Variants in MYO1E observed in about 807,000 individuals in gnomAD.
The protein encoded by MYO1E is unconventional myosin-Ie.
A neutral mutation model predicts 151.1 loss-of-function variants in MYO1E; 68 were observed. The ratio of observed to expected loss-of-function variants is 0.45; its 90% CI spans 0.37 to 0.55. The LOEUF (loss-of-function observed/expected upper bound fraction) is 0.55. MYO1E is among the 20% of genes least tolerant of loss of function. The pLI is 0.00. For synonymous variants in MYO1E, 601 were observed against 501.7 expected (o/e 1.20, Z -2.64); for missense variants, 1,363 against 1,389.3 (o/e 0.98, Z 0.30).
chr15:59,205,337 G>A, intron 15 of MYO1E, 63 bp downstream of exon 15: 3 of 1,508,152 alleles, frequency 2.0e-6, no homozygotes, highest in South Asian at 1.1e-5. Flanking sequence ...TCATAAGTTT[G>A]TTTTCATATT....
Position 59,159,830 on chromosome 15 carries a change from T to C in MYO1E, c.2785+1243A>G, listed in dbSNP as rs1163450728. On this transcript the variant is annotated intron_variant, in intron 24 of 27. Transcript: ENST00000288235. The surrounding 1 kb of genome is among the most constrained non-coding windows in gnomAD (Gnocchi z 4.4). Reference sequence around the variant, plus strand: ...TTAAGGTGTACCTTTGCAGACAGATTTGAGAAATGGCTAATTAATTAATTA... The same window carrying C: ...TTAAGGTGTACCTTTGCAGACAGATCTGAGAAATGGCTAATTAATTAATTA... 6.6e-6 allele frequency among the ~76,000 whole-genome samples: 1 copy of C among 151,838 alleles called. No homozygotes were observed. Among genetic ancestry groups the C allele is most frequent in the Non-Finnish European group, 1.5e-5 (1 of 68,002 alleles).
chr15:59,306,709 C>A (rs749146232), intron 1 of MYO1E, among the ~76,000 whole-genome samples: 21 of 152,220 alleles, frequency 1.4e-4, no homozygotes, highest in Non-Finnish European at 2.6e-4. Context: ...GTTTGCAAAA[C>A]CATTTGCAAT....
intron 1 of MYO1E, among the ~76,000 whole-genome samples, chr15:59,326,213 G>T (rs2080662916): frequency 6.6e-6 from 1 of 151,964 alleles, no homozygotes; most frequent in Non-Finnish European, 1.5e-5. Context: ...CACTTCTCTG[G>T]AAAAGCGCAC....
At chr15:59,301,068 A>G (rs2080479959) in intron 1 of MYO1E, among the ~76,000 whole-genome samples, 1 of 151,890 alleles carries the variant, frequency 6.6e-6, no homozygotes, top group African/African-American at 2.4e-5. Flanking sequence ...GTGCTTCACC[A>G]TGTTGGCCAG....
At chr15:59,318,865 G>A (rs1368046484) in intron 1 of MYO1E, among the ~76,000 whole-genome samples, 1 of 152,052 alleles carries the variant, frequency 6.6e-6, no homozygotes, top group Non-Finnish European at 1.5e-5. Context: ...TTGCAAAGCT[G>A]GACTTGAACC....
chr15:59,188,714 A>T (rs1198216072), intron 17 of MYO1E, among the ~76,000 whole-genome samples: 1 of 151,890 alleles, frequency 6.6e-6, no homozygotes, highest in Non-Finnish European at 1.5e-5. Context: ...AATAAATATA[A>T]ATAAATAAAT....
intron 18 of MYO1E, among the ~76,000 whole-genome samples, chr15:59,182,722 G>A (rs550542983): frequency 6.6e-6 from 1 of 152,220 alleles, no homozygotes; most frequent in Admixed American, 6.5e-5. Context: ...GTGCGGCACA[G>A]CGTAAAGTAC....
chr15:59,230,086 C>A (rs1399524672), intron 6 of MYO1E, among the ~76,000 whole-genome samples: 1 of 152,096 alleles, frequency 6.6e-6, no homozygotes, highest in Non-Finnish European at 1.5e-5. Context: ...CAGTTCTCAA[C>A]CAATAGCGTG....
At chr15:59,361,070 A>G (rs1031315375) in intron 1 of MYO1E, among the ~76,000 whole-genome samples, 5 of 152,140 alleles carry the variant, frequency 3.3e-5, no homozygotes, top group African/African-American at 1.2e-4. Flanking sequence ...GACCACTACT[A>G]TGTAAACAAG....
chr15:59,293,773 T>G (rs1270060929), intron 1 of MYO1E, among the ~76,000 whole-genome samples: 1 of 152,092 alleles, frequency 6.6e-6, no homozygotes, highest in African/African-American at 2.4e-5. Context: ...CCAGCTGTGG[T>G]GGCTCACGCC....
At chr15:59,144,783 C>T (rs1199604848) in intron 26 of MYO1E, among the ~76,000 whole-genome samples, 1 of 152,190 alleles carries the variant, frequency 6.6e-6, no homozygotes, top group East Asian at 1.9e-4. Context: ...CTCGAAAACC[C>T]AGGCAATCTC....
At chr15:59,288,396 C>T (rs1044460206) in intron 1 of MYO1E, among the ~76,000 whole-genome samples, 2 of 152,194 alleles carry the variant, frequency 1.3e-5, no homozygotes, top group African/African-American at 2.4e-5. Context: ...AGGATGGTCT[C>T]GAACTCCTGG....
intron 26 of MYO1E, among the ~76,000 whole-genome samples, chr15:59,153,361 G>C (rs2079492354): frequency 6.6e-6 from 1 of 152,224 alleles, no homozygotes; most frequent in Non-Finnish European, 1.5e-5. Context: ...ATGTTTCCAA[G>C]ATAAGCCCTC....
intron 1 of MYO1E, among the ~76,000 whole-genome samples, chr15:59,326,128 G>A (rs930577840): frequency 2.6e-5 from 4 of 151,250 alleles, no homozygotes; most frequent in African/African-American, 9.7e-5. Context: ...ATTATCAGAT[G>A]CTTAAAGGAA....
chr15:59,306,099 G>A (rs2080513135), intron 1 of MYO1E, among the ~76,000 whole-genome samples: 1 of 152,178 alleles, frequency 6.6e-6, no homozygotes, highest in African/African-American at 2.4e-5. Context: ...CTATTTAAAT[G>A]CGATAAAATT....
At chr15:59,225,374 C>CT (rs1446718420) in intron 7 of MYO1E, among the ~76,000 whole-genome samples, 145 of 152,004 alleles carry the variant, frequency 9.5e-4, no homozygotes, top group Non-Finnish European at 1.4e-3. Flanking sequence ...ATCCAACAGC[C>CT]TTTTTTTTGG....
chr15:59,163,366 T>C, intron 22 of MYO1E, 63 bp from the exon 23 acceptor site: 1 of 1,529,188 alleles, frequency 6.5e-7, no homozygotes, highest in South Asian at 1.2e-5. Context: ...CTATTGTTTT[T>C]TTTTTCTTCC....
At chr15:59,242,930 C>A (rs1312956716) in intron 4 of MYO1E, among the ~76,000 whole-genome samples, 1 of 152,094 alleles carries the variant, frequency 6.6e-6, no homozygotes, top group African/African-American at 2.4e-5. Flanking sequence ...GGGCAAAAAA[C>A]ATGGCAAACA....
At position 59,253,750 on chromosome 15, in the gene MYO1E, G is replaced by C. The variant is rs539530384; in HGVS notation, c.332+2534C>G. ...CCACCCAAGAGTGCTGGGATCACAG[G>C]TGTGAACCACCACTCCCGGCGTCTA... On this transcript the variant is annotated intron_variant, in intron 4 of 27. Coordinates refer to ENST00000288235, the MANE Select transcript of MYO1E (RefSeq NM_004998.4). 4.6e-5 allele frequency among the ~76,000 whole-genome samples: 7 copies of C among 152,156 alleles called. No homozygotes were observed. The East Asian group carries it at 1.2e-3, about 25-fold the overall frequency.
Sources: allele counts gnomAD v4.1 joint callset (sites outside exome capture counted in the v4.1 genomes callset), GRCh38; gene constraint gnomAD v4.1.1; non-coding constraint Gnocchi (gnomAD v3.1); transcripts MANE v1.5; gene names NCBI Gene and HGNC (gene_info 2026-07-23, HGNC 2026-07-21).